Variants in RBL1 observed in about 807,000 individuals in gnomAD.
The protein encoded by RBL1 is RB transcriptional corepressor like 1.
RBL1 carries 82 observed loss-of-function variants against 123.0 expected under a neutral mutation model. The ratio of observed to expected loss-of-function variants is 0.67; its 90% CI spans 0.56 to 0.80. The LOEUF is 0.80. RBL1 is among the 30% of genes least tolerant of loss of function. RBL1 has a pLI of 0.00. For synonymous variants in RBL1, 405 were observed against 441.3 expected, an observed-to-expected ratio of 0.92 and a Z score of 1.03; for missense variants, 1,171 against 1,299.6, an observed-to-expected ratio of 0.90 and a Z score of 1.52.
At chr20:37,048,023 C>G (rs932933425) in intron 11 of RBL1, among the ~76,000 whole-genome samples, 1 of 151,842 alleles carries the variant, frequency 6.6e-6, no homozygotes, top group African/African-American at 2.4e-5. Flanking sequence ...AAACAAGTAT[C>G]GCCCCAAATC....
chr20:37,095,940 C>A lies in RBL1; in HGVS notation c.-12G>T. ...TTGTCCTCGAACATCCCTTCAGGCCCCGCGGGCTGCGCGCCACGGCCCCCG... is the reference window on the plus strand; with the variant it reads ...TTGTCCTCGAACATCCCTTCAGGCCACGCGGGCTGCGCGCCACGGCCCCCG... On this transcript the variant is annotated 5_prime_UTR_variant, in exon 1 of 22. Coordinates refer to ENST00000373664, the MANE Select transcript of RBL1 (RefSeq NM_002895.5). The A allele has an allele frequency of 6.6e-7, 1 of 1,526,512 alleles. No homozygotes were observed. Among genetic ancestry groups the A allele is most frequent in the Non-Finnish European group, 8.8e-7 (1 of 1,132,128 alleles). 94.6% of individuals were successfully genotyped at this position (1,526,512 alleles called of 1,614,324 possible). A position where few individuals can be genotyped will look rare whatever the true frequency, so the allele number is the denominator to read the frequency against.
At chr20:37,060,938 C>A (rs1227544493) in intron 9 of RBL1, among the ~76,000 whole-genome samples, 165 bp downstream of exon 9, 1 of 152,050 alleles carries the variant, frequency 6.6e-6, no homozygotes, top group Non-Finnish European at 1.5e-5. Flanking sequence ...TTAATAGGTA[C>A]TTCAATATGG....
chr20:37,003,959 A>G lies in RBL1; in HGVS notation c.2872-93T>C, dbSNP rs1041004429. The G allele has an allele frequency of 1.2e-5, 14 of 1,178,302 alleles. No homozygotes were observed. In the African/African-American group the frequency reaches 1.7e-4, roughly 14 times the overall value. The allele number at this position is 1,178,302 out of a possible 1,614,324, so 73.0% of individuals were successfully genotyped here. ...ATTCTTATGGTATCTTCTAGTTAGAAAACAGTTATACTGTAAAAAGCTCAT... is the reference window on the plus strand; with the variant it reads ...ATTCTTATGGTATCTTCTAGTTAGAGAACAGTTATACTGTAAAAAGCTCAT... On this transcript the variant is annotated intron_variant, in intron 20 of 21. Transcript: ENST00000373664.
chr20:37,028,629 T>A (rs1298974402), intron 16 of RBL1, among the ~76,000 whole-genome samples: 3 of 152,180 alleles, frequency 2.0e-5, no homozygotes, highest in Non-Finnish European at 2.9e-5. Flanking sequence ...AGATCCAACA[T>A]GTATTTGTCC....
At chr20:37,026,995 C>A (rs1234859916) in intron 16 of RBL1, among the ~76,000 whole-genome samples, 3 of 144,264 alleles carry the variant, frequency 2.1e-5, no homozygotes, top group Non-Finnish European at 3.0e-5. Flanking sequence ...AGTGAGACTC[C>A]ATCTTAAAAA....
In RBL1 at chr20:37,024,196, C is replaced by A. The variant is rs149927497; in HGVS notation, c.2383-1370G>T. Among the ~76,000 whole-genome samples the A allele has an allele frequency of 2.9e-3, 447 of 152,192 alleles. 1 individual carries two copies. Among genetic ancestry groups the A allele is most frequent in the African/African-American group, 0.01 (436 of 41,530 alleles). On this transcript the variant is annotated intron_variant, in intron 16 of 21. Transcript: ENST00000373664. ...AGCTTAAAAACTAATTTAAGCTACT[C>A]AGTGATCTAATATAAAGAGAGACAA...
At chr20:37,006,710 C>T (rs1406008467) in intron 20 of RBL1, among the ~76,000 whole-genome samples, 1 of 148,518 alleles carries the variant, frequency 6.7e-6, no homozygotes, top group Non-Finnish European at 1.5e-5. Context: ...TGTGGTGACA[C>T]ACTCCTGTAA....
At chr20:37,067,888 C>T in intron 3 of RBL1, 98 bp downstream of exon 3, 1 of 1,342,460 alleles carries the variant, frequency 7.4e-7, no homozygotes, top group South Asian at 1.4e-5. Flanking sequence ...AAGTTCTTTG[C>T]AGGAATACTT....
At chr20:37,026,064 G>A (rs141058589) in intron 16 of RBL1, among the ~76,000 whole-genome samples, 4 of 152,166 alleles carry the variant, frequency 2.6e-5, no homozygotes, top group East Asian at 1.9e-4. Flanking sequence ...CTTAATGGTC[G>A]TGGTAACCAC....
chr20:36,996,823 A>G lies in RBL1; in HGVS notation c.*1936T>C, dbSNP rs1435755709. On this transcript the variant is annotated 3_prime_UTR_variant, in exon 22 of 22. Coordinates refer to ENST00000373664, the MANE Select transcript of RBL1 (RefSeq NM_002895.5). Reference sequence around the variant, plus strand: ...ATAAAAATAACAATTATAGCAACATACAAATATGTACAAAGATTCCAGACA... The same window carrying G: ...ATAAAAATAACAATTATAGCAACATGCAAATATGTACAAAGATTCCAGACA... The G allele has an allele frequency of 2.0e-5, 3 of 152,266 alleles. No individual in the cohort carries two copies. The highest frequency in any genetic ancestry group is 2.1e-4 in the South Asian group (1 of 4,836). 9.4% of individuals were successfully genotyped at this position (152,266 alleles called of 1,614,324 possible).
At position 37,060,477 on chromosome 20, in the gene RBL1, T is replaced by C. The variant is rs1297601472; in HGVS notation, c.1250+626A>G. Among the ~76,000 whole-genome samples the C allele has an allele frequency of 2.6e-5, 4 of 152,200 alleles. No homozygotes were observed. In the East Asian group the frequency reaches 7.7e-4, roughly 29 times the overall value. On this transcript the variant is annotated intron_variant, in intron 9 of 21. Transcript: ENST00000373664. ...TATACTCCCATGAAATAACATTATATATAATTTTTTTTAAGAGACAAAGTT... is the reference window on the plus strand; with the variant it reads ...TATACTCCCATGAAATAACATTATACATAATTTTTTTTAAGAGACAAAGTT...
chr20:37,041,220 CAG>C (rs1335680905), intron 13 of RBL1, among the ~76,000 whole-genome samples: 1 of 152,076 alleles, frequency 6.6e-6, no homozygotes, highest in African/African-American at 2.4e-5. Context: ...AAAAGAATAA[CAG>C]AAGTAGACAA....
chr20:37,067,171 C>A, intron 4 of RBL1, 50 bp from the exon 5 acceptor site: 2 of 1,568,620 alleles, frequency 1.3e-6, no homozygotes, highest in African/African-American at 1.4e-5. Flanking sequence ...AGAAACCTCT[C>A]ATGTCAAATA....
intron 14 of RBL1, among the ~76,000 whole-genome samples, chr20:37,039,723 G>GT (rs894224290): frequency 3.3e-5 from 5 of 151,996 alleles, no homozygotes; most frequent in African/African-American, 1.2e-4. Flanking sequence ...CACTTATCTT[G>GT]TTTTTTCCTT....
rs902059043 is a variant in RBL1, at chr20:36,996,618, T to G, written c.*2141A>C. ...CCATCACACCCAACTAATTTTTTTA[T>G]TTTTTGTAGAGATGAGGGCTATGTT... is the stretch of plus-strand genomic sequence containing the variant. On this transcript the variant is annotated 3_prime_UTR_variant, in exon 22 of 22. Transcript: ENST00000373664. 2 of 152,218 alleles carry G rather than the reference T, an allele frequency of 1.3e-5. No individual in the cohort carries two copies. Among genetic ancestry groups the G allele is most frequent in the African/African-American group, 4.8e-5 (2 of 41,442 alleles). 9.4% of individuals were successfully genotyped at this position (152,218 alleles called of 1,614,324 possible).
chr20:37,040,906 C>T (rs1018518719), intron 13 of RBL1, among the ~76,000 whole-genome samples: 1 of 152,178 alleles, frequency 6.6e-6, no homozygotes, highest in Non-Finnish European at 1.5e-5. Flanking sequence ...GGTCACACAA[C>T]TAGTAAGTTA....
chr20:37,091,868 T>A (rs990680040), intron 1 of RBL1, among the ~76,000 whole-genome samples: 1 of 152,132 alleles, frequency 6.6e-6, no homozygotes, highest in African/African-American at 2.4e-5. Flanking sequence ...CCTGAAGGAA[T>A]GAGAAGTCTT....
intron 21 of RBL1, among the ~76,000 whole-genome samples, chr20:37,000,807 C>CGGAA (rs2063962176): frequency 7.1e-6 from 1 of 140,836 alleles, no homozygotes; most frequent in East Asian, 2.2e-4. Context: ...CCGCCCCGTC[C>CGGAA]GGGAGGTGAG....
chr20:37,083,966 T>C (rs1272738784), intron 2 of RBL1, among the ~76,000 whole-genome samples: 3 of 149,284 alleles, frequency 2.0e-5, no homozygotes, highest in East Asian at 4.0e-4. Flanking sequence ...TGGAGTAGAG[T>C]TGCATCATCA....
Sources: allele counts gnomAD v4.1 joint callset (sites outside exome capture counted in the v4.1 genomes callset), GRCh38; gene constraint gnomAD v4.1.1; transcripts MANE v1.5; gene names NCBI Gene and HGNC (gene_info 2026-07-23, HGNC 2026-07-21).